MBTD1: variants seen among roughly 807,000 people sequenced by gnomAD.
MBTD1 encodes the protein mbt domain containing 1, also known as MBT domain-containing protein 1.
In MBTD1, 24 loss-of-function variants were observed where a neutral mutation model predicts 87.8. That is an observed-to-expected ratio of 0.27 (90% CI 0.20 to 0.38). The LOEUF (loss-of-function observed/expected upper bound fraction) is 0.38, where lower values mean the gene tolerates loss of function less well. MBTD1 is among the 10% of genes least tolerant of loss of function. The pLI, the probability that MBTD1 is intolerant of heterozygous loss-of-function variation, is 1.00. For missense variants in MBTD1, 436 were observed against 760.2 expected, an observed-to-expected ratio of 0.57 and a Z score of 5.02; for synonymous variants, 237 against 248.6, an observed-to-expected ratio of 0.95 and a Z score of 0.44.
chr17:51,260,269 A>C (rs1349258344), upstream of MBTD1: 5 of 473,232 alleles, frequency 1.1e-5, no homozygotes, highest in Non-Finnish European at 1.9e-5. Flanking sequence ...CAGCCGTCCC[A>C]GTGTATAGTC....
At chr17:51,215,425 A>G (rs1198183250) in intron 6 of MBTD1, among the ~76,000 whole-genome samples, 1 of 152,196 alleles carries the variant, frequency 6.6e-6, no homozygotes, top group Non-Finnish European at 1.5e-5. Context: ...TACCCTGACT[A>G]CTTACAGAAA....
chr17:51,207,954 T>C (rs2051943859), intron 6 of MBTD1, among the ~76,000 whole-genome samples: 1 of 152,222 alleles, frequency 6.6e-6, no homozygotes, highest in Non-Finnish European at 1.5e-5. Flanking sequence ...AAAAGGATTA[T>C]GTGAGGTTAT....
chr17:51,215,173 C>G (rs76271799), intron 6 of MBTD1, among the ~76,000 whole-genome samples: 2,833 of 152,270 alleles, frequency 0.019, 61 homozygotes, highest in African/African-American at 0.046. Flanking sequence ...ACAGATGCCT[C>G]ACTTCTGAGT....
chr17:51,194,888 T>C (rs1039603850), intron 13 of MBTD1, among the ~76,000 whole-genome samples: 14 of 152,106 alleles, frequency 9.2e-5, no homozygotes, highest in Non-Finnish European at 1.9e-4. Flanking sequence ...AGACCCTGTC[T>C]TTATTGGGAA....
chr17:51,219,924 G>A (rs1029863586), intron 4 of MBTD1, among the ~76,000 whole-genome samples: 9 of 152,100 alleles, frequency 5.9e-5, no homozygotes, highest in African/African-American at 2.2e-4. Context: ...GTACTAAAAA[G>A]TACAAAGCGA....
At chr17:51,210,147 G>A (rs569964646) in intron 6 of MBTD1, among the ~76,000 whole-genome samples, 4 of 151,796 alleles carry the variant, frequency 2.6e-5, no homozygotes, top group Admixed American at 6.6e-5. Context: ...GATTACAGGC[G>A]CATGCCACCA....
In MBTD1 at chr17:51,239,825, A is replaced by G. The variant is rs2054062424; in HGVS notation, c.-48-14616T>C. ...CCTTATCCTTCAATGTGCCTTTCCT[A>G]GTAATAAGGATATTCTCTTACATAA... On this transcript the variant is annotated intron_variant, in intron 2 of 16. Transcript: ENST00000586178. Among the ~76,000 whole-genome samples the G allele has an allele frequency of 3.9e-5, 6 of 152,178 alleles. No individual in the cohort carries two copies. In the South Asian group the frequency reaches 1.2e-3, roughly 32 times the overall value.
chr17:51,193,024 A>G lies in MBTD1; in HGVS notation c.1456-8T>C. The G allele has an allele frequency of 6.3e-7, 1 of 1,587,286 alleles. No homozygotes were observed. Among genetic ancestry groups the G allele is most frequent in the Non-Finnish European group, 8.6e-7 (1 of 1,156,218 alleles). ...TCCGTGATTTGGAACATCCTGACAC[A>G]GAGAAGAAAACATTAATATTGGTAT... On this transcript the variant is annotated splice_polypyrimidine_tract_variant and splice_region_variant and intron_variant, in intron 14 of 16. Transcript: ENST00000586178.
At chr17:51,230,011 TC>T (rs1377916385) in intron 2 of MBTD1, among the ~76,000 whole-genome samples, 2 of 152,196 alleles carry the variant, frequency 1.3e-5, no homozygotes, top group Admixed American at 1.3e-4. Flanking sequence ...GAAAAACCTA[TC>T]ATTTGTGGAC....
At chr17:51,193,555 CA>C in intron 13 of MBTD1, 45 bp from the exon 14 acceptor site, 3 of 1,043,558 alleles carry the variant, frequency 2.9e-6, no homozygotes, top group Non-Finnish European at 4.5e-6. Context: ...TTAAAATTAG[CA>C]TAATATTAAA....
chr17:51,256,928 T>C (rs988947799), intron 2 of MBTD1: 4 of 152,212 alleles, frequency 2.6e-5, no homozygotes, highest in African/African-American at 9.6e-5. Flanking sequence ...GCACCCCTCT[T>C]ATTGTATCAC....
At position 51,188,912 on chromosome 17, in the gene MBTD1, C is replaced by T. The variant is rs183590977; in HGVS notation, c.1768+3291G>A. ...GTGCTGGGATTACAGGCATGCGCCACCACGCCTGGCTAATTTTGCATTTTT... is the reference window on the plus strand; with the variant it reads ...GTGCTGGGATTACAGGCATGCGCCATCACGCCTGGCTAATTTTGCATTTTT... On this transcript the variant is annotated intron_variant, in intron 16 of 16. Transcript: ENST00000586178. 1.4e-4 allele frequency among the ~76,000 whole-genome samples: 22 copies of T among 152,184 alleles called. No individual in the cohort carries two copies. The East Asian group carries it at 3.7e-3, about 25-fold the overall frequency.
At position 51,192,803 on chromosome 17, in the gene MBTD1, G is replaced by C; in HGVS notation, c.1669C>G (p.Leu557Val). The change falls in exon 15 of 17, where the codon CTA becomes GTA. Residue 557 changes from leucine (L) to valine (V), a missense_variant. Physicochemically the swap from Leu to Val is conservative, Grantham distance 32 (BLOSUM62 1). Transcript: ENST00000586178. ...TTACACTGTGATGCTGGAGGCTGTA[G>C]TTGATATCCAGTTAACTGACACCAC... Reference protein sequence around the residue: ...VGWCQLTGYQLQPPASQSSRE... With the variant: ...VGWCQLTGYQVQPPASQSSRE... The C allele has an allele frequency of 6.2e-7, 1 of 1,614,154 alleles. No homozygotes were observed. Among genetic ancestry groups the C allele is most frequent in the Non-Finnish European group, 8.5e-7 (1 of 1,180,008 alleles).
intron 5 of MBTD1, among the ~76,000 whole-genome samples, chr17:51,218,425 A>C (rs2052696033): frequency 6.7e-6 from 1 of 149,722 alleles, no homozygotes; most frequent in Non-Finnish European, 1.5e-5. Context: ...GCTACTTGGG[A>C]GGCTGAGACA....
intron 1 of MBTD1, 96 bp downstream of exon 1, chr17:51,259,739 G>C (rs2055353493): frequency 1.8e-6 from 2 of 1,138,424 alleles, no homozygotes; most frequent in African/African-American, 1.6e-5. Flanking sequence ...GCAGGCCAGG[G>C]AGCGGGGTCA....
intron 2 of MBTD1, among the ~76,000 whole-genome samples, chr17:51,235,686 A>G (rs1445438834): frequency 2.0e-5 from 3 of 152,224 alleles, no homozygotes; most frequent in Non-Finnish European, 4.4e-5. Context: ...AAGACGTACT[A>G]TGTTCATGGA....
At chr17:51,207,758 C>T (rs886320041) in intron 6 of MBTD1, among the ~76,000 whole-genome samples, 1 of 152,074 alleles carries the variant, frequency 6.6e-6, no homozygotes, top group African/African-American at 2.4e-5. Context: ...CAGATGTTCC[C>T]AAAGTATTGT....
chr17:51,205,526 G>A (rs1447947512), intron 7 of MBTD1, among the ~76,000 whole-genome samples: 1 of 152,150 alleles, frequency 6.6e-6, no homozygotes, highest in African/African-American at 2.4e-5. Flanking sequence ...ATACAGCTGG[G>A]AAAATGTTTC....
chr17:51,181,031 T>C (rs1387761312), intron 16 of MBTD1, among the ~76,000 whole-genome samples: 1 of 150,722 alleles, frequency 6.6e-6, no homozygotes, highest in African/African-American at 2.4e-5. Context: ...CTTTTTTTTT[T>C]TTTTTTTTTG....
Sources: allele counts gnomAD v4.1 joint callset (sites outside exome capture counted in the v4.1 genomes callset), GRCh38; gene constraint gnomAD v4.1.1; transcripts MANE v1.5; gene names NCBI Gene and HGNC (gene_info 2026-07-23, HGNC 2026-07-21).